Variants in CFAP70 observed in about 807,000 individuals in gnomAD.
The protein encoded by CFAP70 is cilia- and flagella-associated protein 70.
In CFAP70, 81 loss-of-function variants were observed where a neutral mutation model predicts 137.6. That is an observed-to-expected ratio of 0.59 (90% CI 0.49 to 0.71). The LOEUF (loss-of-function observed/expected upper bound fraction) is 0.71. Ranked by LOEUF, CFAP70 falls within the 30% of genes least tolerant of loss-of-function variation. The pLI is 0.00. For synonymous variants in CFAP70, 382 were observed against 423.6 expected, an observed-to-expected ratio of 0.90 and a Z score of 1.20; for missense variants, 976 against 1,226.7, an observed-to-expected ratio of 0.80 and a Z score of 3.05.
intron 3 of CFAP70, among the ~76,000 whole-genome samples, chr10:73,351,065 GTGTGTGTATATATATATATATA>G (rs1428644803): frequency 3.6e-5 from 2 of 55,646 alleles, no homozygotes; most frequent in East Asian, 9.9e-4. Flanking sequence ...GTGTGTGTGT[GTGTGTGTATATATATATATATA>G]TATATATATA....
chr10:73,274,427 C>T lies in CFAP70; in HGVS notation c.2835+6G>A. 6.2e-7 allele frequency: 1 copy of T among 1,608,224 alleles called. No homozygotes were observed. On this transcript the variant is annotated splice_donor_region_variant and intron_variant, in intron 23 of 26. Coordinates refer to ENST00000310715, the Ensembl canonical transcript of CFAP70. ...ACGGGGTTATTCCCCATTCTCTACCCCTCACCTCTTTCTCTTCCAGATAGA... is the reference window on the plus strand; with the variant it reads ...ACGGGGTTATTCCCCATTCTCTACCTCTCACCTCTTTCTCTTCCAGATAGA...
intron 25 of CFAP70, among the ~76,000 whole-genome samples, chr10:73,263,488 G>A (rs969773614): frequency 3.9e-5 from 6 of 152,064 alleles, no homozygotes; most frequent in Non-Finnish European, 7.4e-5. Flanking sequence ...TTTGTGTTTC[G>A]TAACACTGGC....
intron 12 of CFAP70, among the ~76,000 whole-genome samples, chr10:73,304,361 G>A (rs570509796): frequency 3.9e-5 from 6 of 152,178 alleles, no homozygotes; most frequent in Middle Eastern, 3.4e-3. Flanking sequence ...GCCCATTTAT[G>A]GTAAATATTA....
intron 8 of CFAP70, among the ~76,000 whole-genome samples, chr10:73,329,555 T>C (rs1488921732): frequency 6.6e-6 from 1 of 151,964 alleles, no homozygotes; most frequent in Non-Finnish European, 1.5e-5. Context: ...AAGGCAGTAG[T>C]TGAATCAATA....
At chr10:73,348,006 ATTATC>A in intron 4 of CFAP70, 145 bp downstream of exon 5, 1 of 686,146 alleles carries the variant, frequency 1.5e-6, no homozygotes, top group African/African-American at 1.9e-5. Context: ...ACTCTGCCTT[ATTATC>A]TTTGTTTCCC....
intron 3 of CFAP70, among the ~76,000 whole-genome samples, chr10:73,351,108 T>C (rs1808494037): frequency 7.6e-6 from 1 of 132,412 alleles, no homozygotes; most frequent in Admixed American, 7.8e-5. Context: ...TATATATATA[T>C]ATATGTATGT....
At chr10:73,350,137 A>G (rs1168757345) in intron 3 of CFAP70, among the ~76,000 whole-genome samples, 9 of 152,174 alleles carry the variant, frequency 5.9e-5, no homozygotes, top group East Asian at 1.9e-4. Flanking sequence ...CCCTTTCCAC[A>G]TACTTCTCTC....
intron 4 of CFAP70, among the ~76,000 whole-genome samples, chr10:73,347,913 C>G (rs2053856794): frequency 6.6e-6 from 1 of 152,206 alleles, no homozygotes; most frequent in Admixed American, 6.5e-5. Flanking sequence ...GATACCTGCT[C>G]TATGCCCATG....
At chr10:73,352,363 G>A (rs952406017) in intron 3 of CFAP70, among the ~76,000 whole-genome samples, 4 of 152,116 alleles carry the variant, frequency 2.6e-5, no homozygotes, top group Non-Finnish European at 2.9e-5. Flanking sequence ...TTTTTCCTAC[G>A]GTGTTTGGCT....
At chr10:73,337,847 A>G (rs2052828504) in intron 6 of CFAP70, among the ~76,000 whole-genome samples, 1 of 152,172 alleles carries the variant, frequency 6.6e-6, no homozygotes, top group Non-Finnish European at 1.5e-5. Flanking sequence ...CGCAGGTTGC[A>G]GTGAGCCAAG....
At position 73,343,079 on chromosome 10, in the gene CFAP70, G is replaced by A. The variant is rs535744391; in HGVS notation, c.400-1498C>T. Reference sequence around the variant, plus strand: ...CAAAAAATTAGCCGGGCCTGGTGGCGGGTGCCTGTAGTCCCAGCTACTCGG... The same window carrying A: ...CAAAAAATTAGCCGGGCCTGGTGGCAGGTGCCTGTAGTCCCAGCTACTCGG... On this transcript the variant is annotated intron_variant, in intron 5 of 26. Coordinates refer to ENST00000310715, the Ensembl canonical transcript of CFAP70. Among the ~76,000 whole-genome samples, 6 of 151,972 alleles carry A rather than the reference G, an allele frequency of 3.9e-5. No homozygotes were observed. In the South Asian group the frequency reaches 1.0e-3, roughly 26 times the overall value.
At position 73,282,364 on chromosome 10, in the gene CFAP70, A is replaced by T. The variant is rs140444732; in HGVS notation, c.2240-4027T>A. ...AAGGAATGAACATCACAAAACATGA[A>T]TGTCACACACACAAAAAAAAAAACT... On this transcript the variant is annotated intron_variant, in intron 19 of 26. Coordinates refer to ENST00000310715, the Ensembl canonical transcript of CFAP70. 5.1e-4 allele frequency among the ~76,000 whole-genome samples: 77 copies of T among 151,988 alleles called. 1 individual carries two copies. Among genetic ancestry groups the T allele is most frequent in the African/African-American group, 1.8e-3 (74 of 41,290 alleles).
exon 17 of CFAP70, chr10:73,291,991 A>T: frequency 6.2e-7 from 1 of 1,614,154 alleles, no homozygotes; most frequent in Non-Finnish European, 8.5e-7. Flanking sequence ...AGTGATCCAG[A>T]TTCTGGGGCT....
chr10:73,348,093 T>C, intron 4 of CFAP70, 63 bp downstream of exon 5: 1 of 1,450,976 alleles, frequency 6.9e-7, no homozygotes, highest in Admixed American at 1.7e-5. Flanking sequence ...TGAACCTTAA[T>C]AGCAGACAGA....
chr10:73,284,741 TA>T (rs1453637244), intron 19 of CFAP70, among the ~76,000 whole-genome samples: 2 of 654 alleles, frequency 3.1e-3, no homozygotes, highest in South Asian at 0.083. Context: ...ACCTGCCACA[TA>T]TATATATATA....
Position 73,353,539 on chromosome 10 carries a change from G to C in CFAP70, c.250+17C>G. On this transcript the variant is annotated intron_variant, in intron 3 of 26. Coordinates refer to ENST00000310715, the Ensembl canonical transcript of CFAP70. ...AAGGCAATCGGGACATTGATTTTTA[G>C]AACCACAAGGACTTACAGAACACAG... 1 of 1,603,792 alleles carries C rather than the reference G, an allele frequency of 6.2e-7. No individual in the cohort carries two copies. The highest frequency in any genetic ancestry group is 1.1e-5 in the South Asian group (1 of 90,460).
Position 73,299,524 on chromosome 10 carries a change from T to C in CFAP70, c.1317+81A>G, listed in dbSNP as rs1320719713. 6 of 1,158,344 alleles carry C rather than the reference T, an allele frequency of 5.2e-6. No homozygotes were observed. The Admixed American group carries it at 5.6e-5, about 11-fold the overall frequency. 71.8% of individuals were successfully genotyped at this position (1,158,344 alleles called of 1,614,324 possible). A position where few individuals can be genotyped will look rare whatever the true frequency, so the allele number is the denominator to read the frequency against. On this transcript the variant is annotated intron_variant, in intron 13 of 26. Coordinates refer to ENST00000310715, the Ensembl canonical transcript of CFAP70. Reference sequence around the variant, plus strand: ...AAGTTTTCACCCCTTCTGGAAGACATATTAAAGAGTCCATGCAATTAACAA... The same window carrying C: ...AAGTTTTCACCCCTTCTGGAAGACACATTAAAGAGTCCATGCAATTAACAA...
intron 1 of CFAP70, among the ~76,000 whole-genome samples, chr10:73,358,402 G>A (rs777813290): frequency 9.9e-5 from 15 of 152,232 alleles, no homozygotes; most frequent in Non-Finnish European, 2.1e-4. Flanking sequence ...GTGAGAAAAA[G>A]GTTAGACGAA....
chr10:73,254,547 C>T (rs2044278585), intron 26 of CFAP70, among the ~76,000 whole-genome samples: 1 of 152,156 alleles, frequency 6.6e-6, no homozygotes, highest in African/African-American at 2.4e-5. Flanking sequence ...AATTTCTTTT[C>T]AAGGCAGTAA....
Sources: allele counts gnomAD v4.1 joint callset (sites outside exome capture counted in the v4.1 genomes callset), GRCh38; gene constraint gnomAD v4.1.1; transcripts MANE v1.5; gene names NCBI Gene and HGNC (gene_info 2026-07-23, HGNC 2026-07-21).